The following NEK11 variants were observed in gnomAD, a reference collection of about 807,000 sequenced individuals.
NEK11 encodes NIMA related kinase 11.
NEK11 carries 72 observed loss-of-function variants against 80.7 expected under a neutral mutation model. The ratio of observed to expected loss-of-function variants is 0.89; its 90% CI spans 0.74 to 1.08. The LOEUF (loss-of-function observed/expected upper bound fraction) is 1.08. NEK11 is among the 50% of genes least tolerant of loss of function. The pLI is 0.00. For synonymous variants in NEK11, 251 were observed against 260.7 expected (o/e 0.96, Z 0.36); for missense variants, 764 against 763.6 (o/e 1.00, Z -0.01).
chr3:131,076,325 A>C (rs2074348423), intron 3 of NEK11, among the ~76,000 whole-genome samples: 1 of 152,196 alleles, frequency 6.6e-6, no homozygotes. Flanking sequence ...TAGCAAAAAG[A>C]TTGTAAGGAA....
At chr3:131,157,944 GT>G (rs1402576090) in intron 10 of NEK11, among the ~76,000 whole-genome samples, 3 of 152,166 alleles carry the variant, frequency 2.0e-5, no homozygotes, top group African/African-American at 7.2e-5. Context: ...AGTCCAGAGG[GT>G]TTGGTGCTTG....
intron 16 of NEK11, among the ~76,000 whole-genome samples, chr3:131,266,157 C>A (rs765959754): frequency 6.6e-6 from 1 of 151,506 alleles, no homozygotes; most frequent in Non-Finnish European, 1.5e-5. Context: ...GTCAGTAAAC[C>A]AACTCCTGGA....
intron 14 of NEK11, among the ~76,000 whole-genome samples, chr3:131,176,714 C>G (rs780174191): frequency 6.6e-6 from 1 of 152,122 alleles, no homozygotes; most frequent in East Asian, 1.9e-4. Context: ...ACATGGCATC[C>G]TAAGCAAACG....
chr3:131,148,303 C>T (rs1367001524), intron 7 of NEK11, among the ~76,000 whole-genome samples: 1 of 151,816 alleles, frequency 6.6e-6, no homozygotes, highest in Non-Finnish European at 1.5e-5. Flanking sequence ...TTTGAATCAA[C>T]GTTCATGAAA....
At chr3:131,157,750 C>T (rs186136217) in intron 10 of NEK11, among the ~76,000 whole-genome samples, 94 of 152,254 alleles carry the variant, frequency 6.2e-4, no homozygotes, top group Middle Eastern at 6.8e-3. Context: ...CACTGTACAC[C>T]TGTGCACCGG....
rs183647369 is a variant in NEK11 at position 131,122,443 on chromosome 3, C to T, written c.456-10302C>T. 2.1e-4 allele frequency among the ~76,000 whole-genome samples: 32 copies of T among 152,328 alleles called. 2 individuals carry two copies. Among genetic ancestry groups the T allele is most frequent in the Admixed American group, 1.2e-3 (18 of 15,298 alleles). ...GAGGAAGACCTGACCCTGCTTCTGA[C>T]TTACAACATAGAGGACTCATTGTGT... On this transcript the variant is annotated intron_variant, in intron 5 of 17. Coordinates refer to ENST00000383366, the MANE Select transcript of NEK11 (RefSeq NM_024800.5).
intron 14 of NEK11, among the ~76,000 whole-genome samples, chr3:131,218,476 A>G (rs1035162086): frequency 6.6e-6 from 1 of 152,196 alleles, no homozygotes; most frequent in East Asian, 1.9e-4. Context: ...TCATCTTTTC[A>G]GTAAGGAGGG....
At chr3:131,167,301 A>T (rs1320786671) in intron 12 of NEK11, among the ~76,000 whole-genome samples, 1 of 152,158 alleles carries the variant, frequency 6.6e-6, no homozygotes, top group Non-Finnish European at 1.5e-5. Context: ...GGGATCACTG[A>T]TTCTAAGGGA....
At chr3:131,048,905 C>A (rs1195246168) in intron 3 of NEK11, among the ~76,000 whole-genome samples, 2 of 152,164 alleles carry the variant, frequency 1.3e-5, no homozygotes, top group Non-Finnish European at 2.9e-5. Flanking sequence ...GCCCTCCTGA[C>A]CTTGGAGCTT....
At position 131,277,702 on chromosome 3, in the gene NEK11, G is replaced by A. The variant is rs867144115; in HGVS notation, c.1718+4128G>A. On this transcript the variant is annotated intron_variant, in intron 17 of 17. Coordinates refer to ENST00000383366, the MANE Select transcript of NEK11 (RefSeq NM_024800.5). ...CAGGCATAGAGTAGACCCTAGCACA[G>A]TGGTCAGAAGGGAAGATGCAGGGGG... Among the ~76,000 whole-genome samples the A allele has an allele frequency of 4.6e-5, 7 of 152,336 alleles. No individual in the cohort carries two copies. In the South Asian group the frequency reaches 1.4e-3, roughly 32 times the overall value.
intron 14 of NEK11, among the ~76,000 whole-genome samples, chr3:131,171,205 G>A (rs2092671735): frequency 6.6e-6 from 1 of 152,236 alleles, no homozygotes; most frequent in African/African-American, 2.4e-5. Flanking sequence ...CTGGAGCACT[G>A]TGTCTTCCCT....
intron 14 of NEK11, among the ~76,000 whole-genome samples, chr3:131,203,665 T>C (rs367852305): frequency 1.5e-5 from 2 of 134,922 alleles, no homozygotes; most frequent in Non-Finnish European, 3.3e-5. Context: ...CACACACACA[T>C]ATATAAAGTA....
At chr3:131,318,129 A>G (rs1363057850) in intron 17 of NEK11, among the ~76,000 whole-genome samples, 1 of 152,086 alleles carries the variant, frequency 6.6e-6, no homozygotes, top group Non-Finnish European at 1.5e-5. Flanking sequence ...GAAAGAGGGA[A>G]GTAAGGAAAG....
chr3:131,062,899 A>G (rs1171671875), intron 3 of NEK11, among the ~76,000 whole-genome samples: 1 of 152,244 alleles, frequency 6.6e-6, no homozygotes, highest in Non-Finnish European at 1.5e-5. Context: ...ACTGTAATCA[A>G]CTACATAAAG....
chr3:131,266,735 A>G (rs1271758684), intron 16 of NEK11, among the ~76,000 whole-genome samples: 1 of 152,190 alleles, frequency 6.6e-6, no homozygotes, highest in Non-Finnish European at 1.5e-5. Flanking sequence ...CCTGGTCCAG[A>G]TCTGAGTTCA....
chr3:131,333,880 C>G (rs1249024942), intron 17 of NEK11, among the ~76,000 whole-genome samples: 1 of 152,184 alleles, frequency 6.6e-6, no homozygotes, highest in African/African-American at 2.4e-5. Context: ...AAGGCCATTA[C>G]ATAATGGTAA....
At chr3:131,157,441 G>A (rs903581355) in intron 10 of NEK11, among the ~76,000 whole-genome samples, 21 of 152,300 alleles carry the variant, frequency 1.4e-4, no homozygotes, top group African/African-American at 4.8e-4. Flanking sequence ...CTTGAACACA[G>A]AGTGTGTTAT....
intron 3 of NEK11, among the ~76,000 whole-genome samples, chr3:131,063,113 C>T (rs1464059014): frequency 1.3e-5 from 2 of 152,252 alleles, no homozygotes; most frequent in Non-Finnish European, 2.9e-5. Context: ...CAGCCTCAAA[C>T]TCCTAGGGTT....
chr3:131,180,826 A>T (rs968854982), intron 14 of NEK11, among the ~76,000 whole-genome samples: 6 of 152,194 alleles, frequency 3.9e-5, no homozygotes, highest in Admixed American at 1.3e-4. Flanking sequence ...TATGTGAGGC[A>T]TTTATTAAGT....
Sources: allele counts gnomAD v4.1 joint callset (sites outside exome capture counted in the v4.1 genomes callset), GRCh38; gene constraint gnomAD v4.1.1; transcripts MANE v1.5; gene names NCBI Gene and HGNC (gene_info 2026-07-23, HGNC 2026-07-21).